Variants in SLC10A2 observed in about 807,000 individuals in gnomAD.
The protein encoded by SLC10A2 is ileal sodium/bile acid cotransporter.
In SLC10A2, 34 loss-of-function variants were observed where a neutral mutation model predicts 27.1. The ratio of observed to expected loss-of-function variants is 1.26; its 90% CI spans 0.96 to 1.67. The LOEUF (loss-of-function observed/expected upper bound fraction) is 1.67, where lower values mean the gene tolerates loss of function less well. SLC10A2 is among the 40% of genes most tolerant of loss of function. SLC10A2 has a pLI of 0.00. For missense variants in SLC10A2, 530 were observed against 444.4 expected (o/e 1.19, Z -1.73); for synonymous variants, 205 against 174.0 (o/e 1.18, Z -1.40).
chr13:103,045,941 G>A lies in SLC10A2; in HGVS notation c.*192C>T. On this transcript the variant is annotated 3_prime_UTR_variant, in exon 6 of 6. Transcript: ENST00000245312. ...TATATAAAACATATACATATATATAGGAAACAATATTTGTCCCATTAAAGA... is the reference window on the plus strand; with the variant it reads ...TATATAAAACATATACATATATATAAGAAACAATATTTGTCCCATTAAAGA... The A allele has an allele frequency of 1.7e-6, 1 of 571,532 alleles. No individual in the cohort carries two copies. The highest frequency in any genetic ancestry group is 3.1e-6 in the Non-Finnish European group (1 of 323,316). 35.4% of individuals were successfully genotyped at this position (571,532 alleles called of 1,614,324 possible).
rs765181697 is a variant in SLC10A2, at chr13:103,051,380, C to T, written c.638G>A (p.Gly213Glu). The T allele has an allele frequency of 1.9e-6, 3 of 1,614,048 alleles. No homozygotes were observed. In the South Asian group the frequency reaches 3.3e-5, roughly 18 times the overall value. Residue 213 changes from glycine (G) to glutamate (E), a missense_variant, in exon 4 of 6, where the codon GGA becomes GAA. Physicochemically the swap from Gly to Glu is moderately conservative, Grantham distance 98. Transcript: ENST00000245312. ...ILIVLIAVVG[G>E]ILYQSAWIIA... ...GATCCAGGCGCTTTGGTACAATATT[C>T]CTCCAACCACAGCTATGAGCACAAT...
In SLC10A2 at chr13:103,051,341, A is replaced by T. The variant is rs186789352; in HGVS notation, c.677T>A (p.Leu226Gln). The part of the protein sequence containing the change: ...YQSAWIIAPK[L>Q]WIIGTIFPVA... ...AGGAAATATTGTTCCTATAATCCAC[A>T]GTTTGGGAGCAATGATCCAGGCGCT... Residue 226 changes from leucine to glutamine, a missense_variant, in exon 4 of 6, where the codon CTG (leucine) becomes CAG (glutamine). Coordinates refer to ENST00000245312, the MANE Select transcript of SLC10A2 (RefSeq NM_000452.3). The T allele has an allele frequency of 6.2e-7, 1 of 1,614,148 alleles. No homozygotes were observed. The highest frequency in any genetic ancestry group is 1.7e-5 in the Admixed American group (1 of 60,014).
At chr13:103,058,463 AC>A (rs1227331081) in intron 1 of SLC10A2, 81 bp from the exon 2 acceptor site, 1 of 878,148 alleles carries the variant, frequency 1.1e-6, no homozygotes, top group Non-Finnish European at 1.9e-6. Flanking sequence ...TTTTAATTTA[AC>A]TTTTATTTTA....
At chr13:103,058,756 G>T (rs1272881478) in intron 1 of SLC10A2, among the ~76,000 whole-genome samples, 1 of 152,160 alleles carries the variant, frequency 6.6e-6, no homozygotes, top group Admixed American at 6.6e-5. Context: ...ATGGCCTCCA[G>T]CTCCATCCAT....
Position 103,045,076 on chromosome 13 carries a change from C to T in SLC10A2, c.*1057G>A, listed in dbSNP as rs1783353505. On this transcript the variant is annotated 3_prime_UTR_variant, in exon 6 of 6. Transcript: ENST00000245312. Reference sequence around the variant, plus strand: ...ACTCTCGGACTTGATTCTTCTTATACTACTTACTCCTGCACATCTAATTGA... The same window carrying T: ...ACTCTCGGACTTGATTCTTCTTATATTACTTACTCCTGCACATCTAATTGA... The T allele has an allele frequency of 6.7e-6, 1 of 149,040 alleles. No homozygotes were observed. Among genetic ancestry groups the T allele is most frequent in the Non-Finnish European group, 1.5e-5 (1 of 67,520 alleles). The allele number at this position is 149,040 out of a possible 1,614,324, so 9.2% of individuals were successfully genotyped here. A position where few individuals can be genotyped will look rare whatever the true frequency, so the allele number is the denominator to read the frequency against.
intron 1 of SLC10A2, among the ~76,000 whole-genome samples, chr13:103,065,364 C>G (rs1283923039): frequency 6.6e-6 from 1 of 152,190 alleles, no homozygotes; most frequent in Non-Finnish European, 1.5e-5. Flanking sequence ...TTTACAAATT[C>G]TTCCTTAGGT....
Position 103,062,004 on chromosome 13 carries a change from T to TA in SLC10A2, c.378-3623dup, listed in dbSNP as rs764504427. Among the ~76,000 whole-genome samples, 427 of 150,386 alleles carry TA rather than the reference T, an allele frequency of 2.8e-3. 1 individual carries two copies. The highest frequency in any genetic ancestry group is 4.9e-3 in the Non-Finnish European group (328 of 67,462). On this transcript the variant is annotated intron_variant, in intron 1 of 5. Transcript: ENST00000245312. ...AGAAAAGAGTCAAGTATAAGAAAAA[T>TA]AAAAAAAAAATCTTGGTCTTAATTT...
At chr13:103,053,457 T>C (rs1198066791) in intron 2 of SLC10A2, among the ~76,000 whole-genome samples, 3 of 152,234 alleles carry the variant, frequency 2.0e-5, no homozygotes, top group Non-Finnish European at 2.9e-5. Flanking sequence ...TTAAATTTAC[T>C]GCTGTTTTTG....
intron 3 of SLC10A2, 112 bp downstream of exon 3, chr13:103,052,508 C>T (rs1756411793): frequency 5.0e-6 from 4 of 798,066 alleles, no homozygotes; most frequent in African/African-American, 1.7e-5. Flanking sequence ...TGACTTCAGG[C>T]CCCCACTCAA....
chr13:103,058,163 G>A (rs975353564), intron 2 of SLC10A2, 101 bp downstream of exon 2: 3 of 800,704 alleles, frequency 3.7e-6, no homozygotes, highest in African/African-American at 3.4e-5. Context: ...ACTCCTACTA[G>A]GGCAATAACG....
At position 103,064,620 on chromosome 13, in the gene SLC10A2, C is replaced by G. The variant is rs1248758207; in HGVS notation, c.377+1253G>C. ...GTGCTGGCATTTAGAATTCTCACTTCTGTGTACCTGTGTCCAGGTCAAACT... is the reference window on the plus strand; with the variant it reads ...GTGCTGGCATTTAGAATTCTCACTTGTGTGTACCTGTGTCCAGGTCAAACT... On this transcript the variant is annotated intron_variant, in intron 1 of 5. Transcript: ENST00000245312. Among the ~76,000 whole-genome samples the G allele has an allele frequency of 2.6e-5, 4 of 152,264 alleles. No homozygotes were observed. In the East Asian group the frequency reaches 7.7e-4, roughly 29 times the overall value.
chr13:103,051,943 A>AT (rs11336918), intron 3 of SLC10A2, among the ~76,000 whole-genome samples: 1 of 151,888 alleles, frequency 6.6e-6, no homozygotes, highest in African/African-American at 2.4e-5. Flanking sequence ...CACTGTTGTT[A>AT]TTTTTTTTCT....
chr13:103,047,261 C>A (rs1875639978), intron 5 of SLC10A2, among the ~76,000 whole-genome samples: 1 of 152,112 alleles, frequency 6.6e-6, no homozygotes, highest in East Asian at 1.9e-4. Context: ...TAATGACTTG[C>A]TTCAAAGATC....
At chr13:103,057,431 C>G (rs998641007) in intron 2 of SLC10A2, among the ~76,000 whole-genome samples, 205 of 152,240 alleles carry the variant, frequency 1.3e-3, no homozygotes, top group African/African-American at 4.6e-3. Context: ...GTAAATTTGA[C>G]TCCTGGAGCA....
chr13:103,046,620 T>C (rs1405079169), intron 5 of SLC10A2, among the ~76,000 whole-genome samples: 1 of 152,222 alleles, frequency 6.6e-6, no homozygotes, highest in Non-Finnish European at 1.5e-5. Context: ...ATACACATGG[T>C]GCAGTGCAAC....
chr13:103,064,274 T>G (rs1876209980), intron 1 of SLC10A2, among the ~76,000 whole-genome samples: 1 of 152,192 alleles, frequency 6.6e-6, no homozygotes, highest in Admixed American at 6.5e-5. Context: ...TTATAGGAAT[T>G]GTTATGCTAG....
rs755496504 is a variant in SLC10A2 at position 103,052,621 on chromosome 13, TTAAG to T, written c.580_583del (p.Leu194LysfsTer14). 37 of 1,588,174 alleles carry T rather than the reference TTAAG, an allele frequency of 2.3e-5. No homozygotes were observed. Among genetic ancestry groups the T allele is most frequent in the Middle Eastern group, 1.7e-4 (1 of 6,032 alleles). ...AATGGTGTGAACTGGGATACTTACT[TTAAG>T]TATGATCTTTGCTTTTTGGGGCCAT... On this transcript the variant is annotated frameshift_variant and splice_region_variant, in exon 3 of 6. Transcript: ENST00000245312. LOFTEE classifies it high-confidence loss of function.
At chr13:103,058,853 T>C (rs1876018835) in intron 1 of SLC10A2, among the ~76,000 whole-genome samples, 1 of 152,236 alleles carries the variant, frequency 6.6e-6, no homozygotes, top group South Asian at 2.1e-4. Flanking sequence ...TTATCCAGTC[T>C]ATCATTGATG....
chr13:103,061,046 T>G (rs920235645), intron 1 of SLC10A2, among the ~76,000 whole-genome samples: 15 of 152,216 alleles, frequency 9.9e-5, no homozygotes, highest in Non-Finnish European at 1.3e-4. Flanking sequence ...TTAACCAGAA[T>G]GACCTCATTT....
Sources: gnomAD v4.1 joint callset for allele counts (sites outside exome capture counted in the v4.1 genomes callset) on GRCh38, gnomAD v4.1.1 for gene constraint, MANE v1.5 for transcripts, NCBI Gene and HGNC (gene_info 2026-07-23, HGNC 2026-07-21) for gene names.